The following COL8A1 variants were observed in gnomAD, a reference collection of about 807,000 sequenced individuals.
COL8A1 encodes collagen type VIII alpha 1 chain, also known as collagen alpha-1(VIII) chain.
Under a neutral mutation model 42.7 loss-of-function variants are expected in COL8A1, and 21 were observed. The ratio of observed to expected loss-of-function variants is 0.49; its 90% CI spans 0.35 to 0.71. The LOEUF (loss-of-function observed/expected upper bound fraction) is 0.71, where lower values mean the gene tolerates loss of function less well. Ranked by LOEUF, COL8A1 falls within the 30% of genes least tolerant of loss-of-function variation. The pLI is 0.01. For missense variants in COL8A1, 788 were observed against 962.4 expected, an observed-to-expected ratio of 0.82 and a Z score of 2.40; for synonymous variants, 367 against 369.1, an observed-to-expected ratio of 0.99 and a Z score of 0.06.
chr3:99,743,968 G>A (rs1350563243), intron 1 of COL8A1, among the ~76,000 whole-genome samples: 6 of 146,166 alleles, frequency 4.1e-5, no homozygotes, highest in African/African-American at 1.3e-4. Flanking sequence ...TCACTCTGAC[G>A]CCCAGGCTGG....
intron 1 of COL8A1, among the ~76,000 whole-genome samples, chr3:99,676,152 T>C (rs973984213): frequency 6.6e-6 from 1 of 152,086 alleles, no homozygotes; most frequent in Non-Finnish European, 1.5e-5. Flanking sequence ...ATATAAATAG[T>C]CCTATATTAC....
chr3:99,705,301 A>T (rs1303847286), intron 1 of COL8A1, among the ~76,000 whole-genome samples: 1 of 152,222 alleles, frequency 6.6e-6, no homozygotes, highest in African/African-American at 2.4e-5. Flanking sequence ...TAGGCCTCTG[A>T]GGGCCAGCCT....
At chr3:99,692,581 T>G (rs1474976888) in intron 1 of COL8A1, among the ~76,000 whole-genome samples, 1 of 152,256 alleles carries the variant, frequency 6.6e-6, no homozygotes, top group Non-Finnish European at 1.5e-5. Context: ...TTGATCACAC[T>G]GCATTTGGCC....
chr3:99,750,999 A>G (rs1269196893), intron 2 of COL8A1, among the ~76,000 whole-genome samples: 1 of 152,206 alleles, frequency 6.6e-6, no homozygotes, highest in Non-Finnish European at 1.5e-5. Context: ...CACATCTTTG[A>G]GCTGGATAGA....
chr3:99,763,225 A>G (rs1262716934), intron 2 of COL8A1, among the ~76,000 whole-genome samples: 1 of 152,226 alleles, frequency 6.6e-6, no homozygotes, highest in Non-Finnish European at 1.5e-5. Context: ...ACAATGAATT[A>G]TTATCTAACA....
chr3:99,763,371 T>A (rs984757951), intron 2 of COL8A1, among the ~76,000 whole-genome samples: 1 of 152,160 alleles, frequency 6.6e-6, no homozygotes. Context: ...TCCTTGGGTT[T>A]ACATTTGTTC....
chr3:99,682,474 A>T (rs1254724486), intron 1 of COL8A1, among the ~76,000 whole-genome samples: 1 of 152,128 alleles, frequency 6.6e-6, no homozygotes, highest in Non-Finnish European at 1.5e-5. Context: ...TTGTCACAGT[A>T]TTATAATCAC....
intron 2 of COL8A1, among the ~76,000 whole-genome samples, chr3:99,785,365 T>C (rs1941874160): frequency 6.6e-6 from 1 of 152,170 alleles, no homozygotes; most frequent in Non-Finnish European, 1.5e-5. Flanking sequence ...CAAATTATTC[T>C]TGTCCTCAGA....
At chr3:99,767,842 T>G (rs751515494) in intron 2 of COL8A1, among the ~76,000 whole-genome samples, 7 of 152,188 alleles carry the variant, frequency 4.6e-5, no homozygotes, top group Non-Finnish European at 2.9e-5. Context: ...ATACTAATGA[T>G]AATAAAGTCA....
At chr3:99,717,499 A>T (rs1052437670) in intron 1 of COL8A1, among the ~76,000 whole-genome samples, 19 of 152,144 alleles carry the variant, frequency 1.2e-4, no homozygotes, top group African/African-American at 3.9e-4. Flanking sequence ...ATGATAAAAG[A>T]TTATATAGGT....
chr3:99,731,261 A>G (rs938637297), intron 1 of COL8A1, among the ~76,000 whole-genome samples: 1 of 152,184 alleles, frequency 6.6e-6, no homozygotes, highest in African/African-American at 2.4e-5. Flanking sequence ...GATGTTCAAG[A>G]AAAACCTTTT....
chr3:99,655,101 C>G (rs944554352), intron 1 of COL8A1, among the ~76,000 whole-genome samples: 2 of 152,098 alleles, frequency 1.3e-5, no homozygotes, highest in Non-Finnish European at 2.9e-5. Flanking sequence ...AACAAATGCA[C>G]GGGGAATGTG....
intron 1 of COL8A1, among the ~76,000 whole-genome samples, chr3:99,648,603 C>A (rs1937731561): frequency 6.6e-6 from 1 of 151,956 alleles, no homozygotes; most frequent in Non-Finnish European, 1.5e-5. Context: ...TTTTTAAGGG[C>A]TAAAAGTTAG....
Position 99,795,786 on chromosome 3 carries a change from G to A in COL8A1, c.1885G>A (p.Val629Met), listed in dbSNP as rs571065653. ...TAELTAPFPP[V>M]GAPVKFNKLL... is the part of the protein sequence containing the mutation. Reference sequence around the variant, plus strand: ...CGAGCTAACCGCACCTTTCCCACCGGTGGGGGCCCCAGTGAAGTTTAACAA... The same window carrying A: ...CGAGCTAACCGCACCTTTCCCACCGATGGGGGCCCCAGTGAAGTTTAACAA... Residue 629 changes from valine (V) to methionine (M), a missense_variant, in exon 4 of 4, where the codon GTG becomes ATG. Transcript: ENST00000652472. 24 of 1,614,046 alleles carry A rather than the reference G, an allele frequency of 1.5e-5. No homozygotes were observed. In the Admixed American group the frequency reaches 1.5e-4, roughly 10 times the overall value.
intron 1 of COL8A1, among the ~76,000 whole-genome samples, chr3:99,728,931 T>C (rs770136221): frequency 1.4e-4 from 22 of 152,186 alleles, no homozygotes; most frequent in Middle Eastern, 3.4e-3. Flanking sequence ...TGTCTTTTCC[T>C]GACCTCTGTT....
chr3:99,657,524 A>G (rs1243334371), intron 1 of COL8A1, among the ~76,000 whole-genome samples: 6 of 152,192 alleles, frequency 3.9e-5, no homozygotes, highest in African/African-American at 1.4e-4. Context: ...AATTTATTTC[A>G]GTACTAAAAT....
rs188962547 is a variant in COL8A1, at chr3:99,753,944, C to T, written c.-4+8923C>T. ...GTAAAATGGTAGAGCTTGGACTGAACCTAGACAGCTACTGGGAAGATAACT... is the reference window on the plus strand; with the variant it reads ...GTAAAATGGTAGAGCTTGGACTGAATCTAGACAGCTACTGGGAAGATAACT... On this transcript the variant is annotated intron_variant, in intron 2 of 3. Coordinates refer to ENST00000652472, the MANE Select transcript of COL8A1 (RefSeq NM_020351.4). Among the ~76,000 whole-genome samples the T allele has an allele frequency of 1.8e-3, 281 of 152,264 alleles. 2 individuals are homozygous for T. Among genetic ancestry groups the T allele is most frequent in the African/African-American group, 6.4e-3 (267 of 41,528 alleles).
Position 99,795,592 on chromosome 3 carries a change from C to T in COL8A1, c.1691C>T (p.Pro564Leu). The T allele has an allele frequency of 6.2e-7, 1 of 1,611,898 alleles. No homozygotes were observed. The highest frequency in any genetic ancestry group is 1.1e-5 in the South Asian group (1 of 90,872). The change falls in exon 4 of 4, where the codon CCT becomes CTT. Residue 564 changes from proline to leucine, a missense_variant. By Grantham distance (98) the Pro-to-Leu change is moderately conservative. Around this residue, in one of 4 missense-constraint regions of COL8A1, gnomAD observed 154 missense variants for 182.3 expected, o/e 0.84. Transcript: ENST00000652472. ...CCTGGCCTTCCAGGACCCCCAGGCC[C>T]TCCAGGACCTCCAGGACCCCCAGCT... ...GQPGLPGPPG[P>L]PGPPGPPAVM...
At chr3:99,757,830 A>G (rs1330621151) in intron 2 of COL8A1, among the ~76,000 whole-genome samples, 1 of 152,198 alleles carries the variant, frequency 6.6e-6, no homozygotes, top group Non-Finnish European at 1.5e-5. Context: ...TTTACAGCAT[A>G]GAATCTAGAC....
Sources: allele counts gnomAD v4.1 joint callset (sites outside exome capture counted in the v4.1 genomes callset), GRCh38; gene constraint gnomAD v4.1.1; regional missense constraint gnomAD v4.1.1; transcripts MANE v1.5; gene names NCBI Gene and HGNC (gene_info 2026-07-23, HGNC 2026-07-21).